The following SH3D19 variants were observed in gnomAD, a reference collection of about 807,000 sequenced individuals.
SH3D19 encodes the protein SH3 domain containing 19.
SH3D19 carries 58 observed loss-of-function variants against 112.1 expected under a neutral mutation model. The observed-to-expected ratio is 0.52, with a 90% confidence interval of 0.42 to 0.64. The LOEUF (loss-of-function observed/expected upper bound fraction) is 0.64, where lower values mean the gene tolerates loss of function less well. Among genes scored for constraint, SH3D19 ranks in the 30% least tolerant of loss-of-function variants. SH3D19 has a pLI of 0.00. For synonymous variants in SH3D19, 391 were observed against 448.5 expected, an observed-to-expected ratio of 0.87 and a Z score of 1.62; for missense variants, 1,090 against 1,263.4, an observed-to-expected ratio of 0.86 and a Z score of 2.08.
intron 1 of SH3D19, 126 bp from the exon 2 acceptor site, chr4:151,226,212 T>C: frequency 8.2e-7 from 1 of 1,226,910 alleles, no homozygotes; most frequent in Non-Finnish European, 1.0e-6. Context: ...TGTGTCTTCC[T>C]AAGTATAAGG....
rs1056853854 is a variant in SH3D19 at position 151,234,825 on chromosome 4, G to T, written c.113-8739C>A. On this transcript the variant is annotated intron_variant, in intron 1 of 19. Transcript: ENST00000604030. ...TGCAGTGGTGCAATCTTGGCTCACT[G>T]CAGCCTCGACCTCCTGGGCTCAGGA... Among the ~76,000 whole-genome samples, 22 of 130,286 alleles carry T rather than the reference G, an allele frequency of 1.7e-4. 1 individual carries two copies. Among genetic ancestry groups the T allele is most frequent in the Non-Finnish European group, 2.2e-4 (14 of 64,958 alleles). The allele number at this position is 130,286 out of a possible 152,430, so 85.5% of individuals were successfully genotyped here.
chr4:151,230,735 C>T (rs1310884681), intron 1 of SH3D19, among the ~76,000 whole-genome samples: 1 of 151,868 alleles, frequency 6.6e-6, no homozygotes, highest in Non-Finnish European at 1.5e-5. Context: ...TGCATGCCAC[C>T]ATGCCCGGCT....
At chr4:151,198,378 T>C (rs1763851005) in intron 2 of SH3D19, among the ~76,000 whole-genome samples, 1 of 37,394 alleles carries the variant, frequency 2.7e-5, no homozygotes, top group African/African-American at 4.4e-5. Context: ...ATATAAAAAT[T>C]ATATAATATA....
chr4:151,265,992 A>G (rs941495690), intron 1 of SH3D19: 5 of 152,222 alleles, frequency 3.3e-5, no homozygotes, highest in African/African-American at 1.2e-4. Flanking sequence ...CACAAGAATC[A>G]TCTAAAACTG....
intron 2 of SH3D19, among the ~76,000 whole-genome samples, chr4:151,195,302 G>A (rs1285810380): frequency 6.9e-6 from 1 of 145,080 alleles, no homozygotes; most frequent in African/African-American, 2.5e-5. Context: ...AACCCAGCAG[G>A]CGGAGCGTGC....
chr4:151,295,792 C>G (rs1775664926), intron 1 of SH3D19, among the ~76,000 whole-genome samples: 1 of 152,184 alleles, frequency 6.6e-6, no homozygotes, highest in South Asian at 2.1e-4. Flanking sequence ...AATCCCAGCA[C>G]TTTGGGAGGC....
intron 1 of SH3D19, among the ~76,000 whole-genome samples, chr4:151,292,413 G>A (rs941057954): frequency 6.6e-6 from 1 of 152,112 alleles, no homozygotes; most frequent in Admixed American, 6.5e-5. Context: ...TACGAACAAT[G>A]GATTAATGCT....
At chr4:151,297,848 C>T (rs888396243) in intron 1 of SH3D19, among the ~76,000 whole-genome samples, 2 of 152,206 alleles carry the variant, frequency 1.3e-5, no homozygotes, top group African/African-American at 4.8e-5. Context: ...GGGACATCAT[C>T]TGTATTATCT....
intron 8 of SH3D19, among the ~76,000 whole-genome samples, chr4:151,160,603 G>C (rs1442954057): frequency 6.6e-6 from 1 of 151,990 alleles, no homozygotes; most frequent in Non-Finnish European, 1.5e-5. Flanking sequence ...CATACTGAAG[G>C]ACGCTAAAGC....
At chr4:151,187,588 G>T in intron 2 of SH3D19, 125 bp from the exon 3 acceptor site, 1 of 451,588 alleles carries the variant, frequency 2.2e-6, no homozygotes, top group South Asian at 1.2e-4. Flanking sequence ...ATTATTTACT[G>T]GCCTATCCTC....
intron 1 of SH3D19, among the ~76,000 whole-genome samples, chr4:151,300,948 AAGTTAAGTACTTCACCC>A (rs1443117645): frequency 3.3e-5 from 5 of 152,228 alleles, no homozygotes; most frequent in Non-Finnish European, 7.3e-5. Flanking sequence ...GTGAGGGAAG[AAGTTAAGTACTTCACCC>A]AGCTTTCTGG....
chr4:151,163,651 G>A (rs1032514992), intron 8 of SH3D19, among the ~76,000 whole-genome samples: 10 of 150,098 alleles, frequency 6.7e-5, no homozygotes, highest in Admixed American at 1.3e-4. Context: ...CATGATCTTC[G>A]CTCACTGCAA....
chr4:151,259,303 GA>G (rs1772187221), intron 1 of SH3D19, among the ~76,000 whole-genome samples: 1 of 152,136 alleles, frequency 6.6e-6, no homozygotes, highest in African/African-American at 2.4e-5. Context: ...AGAATCTCTT[GA>G]AGTCAAGTAA....
intron 3 of SH3D19, among the ~76,000 whole-genome samples, chr4:151,183,262 G>A (rs1761239215): frequency 6.6e-6 from 1 of 152,114 alleles, no homozygotes; most frequent in African/African-American, 2.4e-5. Flanking sequence ...AAAGTGCTGG[G>A]ATTATAGGTG....
intron 6 of SH3D19, 41 bp from the exon 7 acceptor site, chr4:151,175,715 C>G (rs1579969031): frequency 8.1e-7 from 1 of 1,239,108 alleles, no homozygotes; most frequent in East Asian, 3.1e-5. Context: ...TAAAAACAAG[C>G]CATAACGTTA....
chr4:151,234,514 C>G (rs576158091), intron 1 of SH3D19, among the ~76,000 whole-genome samples: 1 of 152,060 alleles, frequency 6.6e-6, no homozygotes, highest in African/African-American at 2.4e-5. Context: ...GGTCATCAAC[C>G]CTTCCTGCTG....
At chr4:151,230,553 C>A (rs1167017411) in intron 1 of SH3D19, among the ~76,000 whole-genome samples, 1 of 151,460 alleles carries the variant, frequency 6.6e-6, no homozygotes, top group Non-Finnish European at 1.5e-5. Flanking sequence ...AATGAATATA[C>A]ACAGATATAC....
chr4:151,185,240 T>C (rs1761602552), intron 3 of SH3D19, among the ~76,000 whole-genome samples: 2 of 152,054 alleles, frequency 1.3e-5, no homozygotes, highest in Non-Finnish European at 2.9e-5. Flanking sequence ...AGCCCACAGA[T>C]ATGACTCAGT....
intron 17 of SH3D19, among the ~76,000 whole-genome samples, chr4:151,129,812 T>C (rs907629120): frequency 5.9e-5 from 9 of 152,212 alleles, no homozygotes; most frequent in African/African-American, 1.4e-4. Flanking sequence ...AATGAGACAA[T>C]GCATGTCTAA....
Sources: gnomAD v4.1 joint callset for allele counts (sites outside exome capture counted in the v4.1 genomes callset) on GRCh38, gnomAD v4.1.1 for gene constraint, MANE v1.5 for transcripts, NCBI Gene and HGNC (gene_info 2026-07-23, HGNC 2026-07-21) for gene names.